CASTOR2: variants seen among roughly 807,000 people sequenced by gnomAD.
The protein encoded by CASTOR2 is GATS protein like 2.
In CASTOR2, 8 loss-of-function variants were observed where a neutral mutation model predicts 31.2. That is an observed-to-expected ratio of 0.26 (90% CI 0.15 to 0.46). The LOEUF (loss-of-function observed/expected upper bound fraction) is 0.46, where lower values mean the gene tolerates loss of function less well. Among genes scored for constraint, CASTOR2 ranks in the 20% least tolerant of loss-of-function variants. CASTOR2 has a pLI of 0.99. For missense variants in CASTOR2, 216 were observed against 382.1 expected, an observed-to-expected ratio of 0.57 and a Z score of 3.62; for synonymous variants, 162 against 158.7, an observed-to-expected ratio of 1.02 and a Z score of -0.16.
At chr7:75,011,334 A>T (rs1468145282) in intron 2 of CASTOR2, among the ~76,000 whole-genome samples, 2 of 151,420 alleles carry the variant, frequency 1.3e-5, no homozygotes, top group African/African-American at 4.9e-5. Flanking sequence ...GAGGCTGAGG[A>T]AGGAGAATCA....
At chr7:75,018,568 C>T (rs1261921413) in intron 4 of CASTOR2, among the ~76,000 whole-genome samples, 1 of 152,220 alleles carries the variant, frequency 6.6e-6, no homozygotes, top group Non-Finnish European at 1.5e-5. Flanking sequence ...TGGAAAGGTC[C>T]TAGGCAGGCC....
At chr7:75,017,305 G>A (rs1368173539) in intron 2 of CASTOR2, among the ~76,000 whole-genome samples, 2 of 151,960 alleles carry the variant, frequency 1.3e-5, no homozygotes, top group African/African-American at 4.8e-5. Flanking sequence ...AAATTAGCTG[G>A]GCGTGGTGGC....
chr7:74,998,104 C>T (rs1413564145), intron 1 of CASTOR2, among the ~76,000 whole-genome samples: 17 of 152,212 alleles, frequency 1.1e-4, no homozygotes, highest in African/African-American at 4.1e-4. Context: ...AGCCCCCAAC[C>T]CATAGAGGCA....
chr7:75,003,618 C>CAG (rs1804544381), intron 1 of CASTOR2, among the ~76,000 whole-genome samples: 7 of 151,726 alleles, frequency 4.6e-5, no homozygotes, highest in Non-Finnish European at 7.4e-5. Context: ...GGCGTGGTGG[C>CAG]GTGCGCCTGT....
chr7:74,984,749 A>G (rs1202487389), intron 1 of CASTOR2, among the ~76,000 whole-genome samples: 1 of 152,134 alleles, frequency 6.6e-6, no homozygotes, highest in African/African-American at 2.4e-5. Flanking sequence ...TGTCTCAGAT[A>G]AGGAAACCGA....
chr7:75,014,809 A>G (rs1264185753), intron 2 of CASTOR2, among the ~76,000 whole-genome samples: 3 of 152,034 alleles, frequency 2.0e-5, no homozygotes, highest in Admixed American at 1.3e-4. Flanking sequence ...GTCTCATCCA[A>G]ACCTGCCAAG....
Position 75,024,661 on chromosome 7 carries a change from A to T in CASTOR2, c.952A>T (p.Ile318Phe), listed in dbSNP as rs1229427970. 5.2e-6 allele frequency: 8 copies of T among 1,551,490 alleles called. No homozygotes were observed. The highest frequency in any genetic ancestry group is 2.6e-6 in the Non-Finnish European group (3 of 1,146,848). ...CCCCGAAGAGAACATCAATGGTGTC[A>T]TCAGTGCCCTGAAGGTCAGCCAAGC... ...LVPEENINGVISALKVSQAEK... is the reference protein window; with the variant it reads ...LVPEENINGVFSALKVSQAEK... Residue 318 changes from isoleucine (I) to phenylalanine (F), a missense_variant, in exon 9 of 9, where the codon ATC becomes TTC. Physicochemically the swap from Ile to Phe is conservative, Grantham distance 21. Transcript: ENST00000616305.
chr7:75,019,742 G>T (rs903603762), intron 5 of CASTOR2, among the ~76,000 whole-genome samples: 2 of 152,230 alleles, frequency 1.3e-5, no homozygotes, highest in Non-Finnish European at 2.9e-5. Flanking sequence ...ACGAGGTGGG[G>T]CGGGGCAGGG....
Position 75,026,362 on chromosome 7 carries a change from GT to G in CASTOR2, c.*1664del, listed in dbSNP as rs1214473499. Among the ~76,000 whole-genome samples the G allele has an allele frequency of 6.6e-6, 1 of 151,786 alleles. No homozygotes were observed. Among genetic ancestry groups the G allele is most frequent in the Non-Finnish European group, 1.5e-5 (1 of 67,980 alleles). The stretch of plus-strand genomic sequence containing the variant: ...GCACCACCACGTCTGGCTAGTTATT[GT>G]ATTTTTTAATAGAGACGGGATTTCG... On this transcript the variant is annotated 3_prime_UTR_variant, in exon 9 of 9. Coordinates refer to ENST00000616305, the MANE Select transcript of CASTOR2 (RefSeq NM_001145064.3).
chr7:75,004,048 G>T (rs1202488995), intron 1 of CASTOR2, among the ~76,000 whole-genome samples: 1 of 152,174 alleles, frequency 6.6e-6, no homozygotes. Context: ...GTCCCTCAGA[G>T]CCGAGGGCGC....
intron 2 of CASTOR2, among the ~76,000 whole-genome samples, chr7:75,013,889 G>A (rs1362729552): frequency 2.6e-5 from 4 of 151,856 alleles, no homozygotes; most frequent in South Asian, 2.1e-4. Context: ...CACCACACCC[G>A]GCTACTTTTT....
intron 1 of CASTOR2, among the ~76,000 whole-genome samples, chr7:74,998,391 G>A (rs1287586129): frequency 6.6e-6 from 1 of 152,148 alleles, no homozygotes; most frequent in Admixed American, 6.5e-5. Flanking sequence ...ATCACCTGAG[G>A]TCAGGGGTTG....
chr7:75,031,023 C>T lies in CASTOR2; in HGVS notation c.*6324C>T, dbSNP rs34098897. Among the ~76,000 whole-genome samples, 6,439 of 152,294 alleles carry T rather than the reference C, an allele frequency of 0.042. 179 individuals carry two copies. The highest frequency in any genetic ancestry group is 0.1 in the Middle Eastern group (30 of 294). ...GTCCCAAGACAGGCCAAGGCCAGTG[C>T]GGTTTCCCTTCCACTGCCTCAGTTT... On this transcript the variant is annotated 3_prime_UTR_variant, in exon 9 of 9. Coordinates refer to ENST00000616305, the MANE Select transcript of CASTOR2 (RefSeq NM_001145064.3).
At chr7:74,985,043 A>G (rs1804031219) in intron 1 of CASTOR2, among the ~76,000 whole-genome samples, 2 of 152,174 alleles carry the variant, frequency 1.3e-5, no homozygotes, top group Non-Finnish European at 1.5e-5. Flanking sequence ...AGGCTGAGAC[A>G]TAAGAATCAT....
intron 1 of CASTOR2, among the ~76,000 whole-genome samples, chr7:74,992,981 A>G (rs2131932514): frequency 6.6e-6 from 1 of 152,182 alleles, no homozygotes; most frequent in South Asian, 2.1e-4. Flanking sequence ...CAGGTGGATC[A>G]TGAGGTCAAG....
At chr7:74,988,111 C>T (rs1804115831) in intron 1 of CASTOR2, among the ~76,000 whole-genome samples, 1 of 151,170 alleles carries the variant, frequency 6.6e-6, no homozygotes, top group Non-Finnish European at 1.5e-5. Flanking sequence ...CAGAGATGGC[C>T]GATGGTCACG....
intron 1 of CASTOR2, among the ~76,000 whole-genome samples, chr7:74,981,843 G>A (rs1480763287): frequency 2.1e-5 from 3 of 142,028 alleles, no homozygotes; most frequent in African/African-American, 7.9e-5. Flanking sequence ...GAGGCAAGAG[G>A]ATCGCTTGAG....
In CASTOR2 at chr7:75,022,232, C is replaced by T. The variant is rs1046635250; in HGVS notation, c.829+276C>T. ...TATTAGAAAATTAAGCAGCTGGGCG[C>T]GGTGGCTCGTGCTTGTAATCCCAGC... On this transcript the variant is annotated intron_variant, in intron 7 of 8. Coordinates refer to ENST00000616305, the MANE Select transcript of CASTOR2 (RefSeq NM_001145064.3). Among the ~76,000 whole-genome samples, 17 of 152,202 alleles carry T rather than the reference C, an allele frequency of 1.1e-4. 1 individual carries two copies. In the South Asian group the frequency reaches 2.5e-3, roughly 22 times the overall value.
At chr7:75,014,540 C>T (rs1323436834) in intron 2 of CASTOR2, among the ~76,000 whole-genome samples, 1 of 151,892 alleles carries the variant, frequency 6.6e-6, no homozygotes, top group Non-Finnish European at 1.5e-5. Context: ...TGCAGTGAGC[C>T]GAGATCGCGC....
Sources: gnomAD v4.1 joint callset for allele counts (sites outside exome capture counted in the v4.1 genomes callset) on GRCh38, gnomAD v4.1.1 for gene constraint, MANE v1.5 for transcripts, NCBI Gene and HGNC (gene_info 2026-07-23, HGNC 2026-07-21) for gene names.